Variants in NDUFAF6 observed in about 807,000 individuals in gnomAD.
The protein encoded by NDUFAF6 is NADH:ubiquinone oxidoreductase complex assembly factor 6.
Under a neutral mutation model 40.8 loss-of-function variants are expected in NDUFAF6, and 45 were observed. The ratio of observed to expected loss-of-function variants is 1.10; its 90% CI spans 0.87 to 1.42. The LOEUF (loss-of-function observed/expected upper bound fraction) is 1.42, where lower values mean the gene tolerates loss of function less well. NDUFAF6 is among the 40% of genes most tolerant of loss of function. The pLI is 0.00. For synonymous variants in NDUFAF6, 185 were observed against 155.9 expected (o/e 1.19, Z -1.39); for missense variants, 435 against 418.5 (o/e 1.04, Z -0.34).
At chr8:94,942,207 C>CT (rs921262568) in intron 1 of NDUFAF6, among the ~76,000 whole-genome samples, 18 of 148,774 alleles carry the variant, frequency 1.2e-4, no homozygotes, top group East Asian at 2.0e-4. Flanking sequence ...CGGCTAATTT[C>CT]TTTTTTTTTT....
intron 2 of NDUFAF6, among the ~76,000 whole-genome samples, chr8:95,008,610 G>A (rs1024247029): frequency 5.3e-5 from 8 of 152,220 alleles, no homozygotes; most frequent in East Asian, 1.9e-4. Flanking sequence ...GGGTTCAAAC[G>A]ATTCTTCTGA....
intron 9 of NDUFAF6, among the ~76,000 whole-genome samples, chr8:95,075,041 C>T (rs975691577): frequency 6.6e-6 from 1 of 152,158 alleles, no homozygotes; most frequent in Non-Finnish European, 1.5e-5. Context: ...AAACACATCC[C>T]TCACTGATTG....
At chr8:94,924,924 G>GTATTTTTAA (rs2131284214) in intron 1 of NDUFAF6, among the ~76,000 whole-genome samples, 1 of 152,088 alleles carries the variant, frequency 6.6e-6, no homozygotes, top group Non-Finnish European at 1.5e-5. Flanking sequence ...TGTATTTTTA[G>GTATTTTTAA]TAGAGATGGG....
At chr8:95,107,715 A>T (rs16917342), downstream of NDUFAF6, among the ~76,000 whole-genome samples, 1,410 of 152,286 alleles carry the variant, frequency 9.3e-3, 22 homozygotes, top group African/African-American at 0.032. Context: ...GTGTTTTTTT[A>T]AAATGTTAAT....
intron 8 of NDUFAF6, chr8:95,055,290 C>T (rs1831982766): frequency 6.6e-6 from 1 of 152,142 alleles, no homozygotes; most frequent in Non-Finnish European, 1.5e-5. Context: ...ACAAGGATGA[C>T]ACACAAATTC....
At chr8:95,030,236 T>C (rs920077693) in intron 1 of NDUFAF6, among the ~76,000 whole-genome samples, 1 of 151,832 alleles carries the variant, frequency 6.6e-6, no homozygotes, top group Non-Finnish European at 1.5e-5. Flanking sequence ...TTTATTTATT[T>C]ATTTATTTTA....
chr8:95,015,594 C>T (rs1586970221), intron 2 of NDUFAF6, among the ~76,000 whole-genome samples: 1 of 152,134 alleles, frequency 6.6e-6, no homozygotes, highest in Non-Finnish European at 1.5e-5. Context: ...AATGGTTCTT[C>T]CTTCTAAGAA....
intron 4 of NDUFAF6, 30 bp from the exon 5 acceptor site, chr8:95,045,515 C>G (rs775719873): frequency 1.3e-6 from 2 of 1,513,514 alleles, no homozygotes. Context: ...GACAGTTCAA[C>G]AGACTTTATT....
intron 1 of NDUFAF6, chr8:94,975,678 C>G (rs1260276148): frequency 6.6e-6 from 1 of 152,114 alleles, no homozygotes. Context: ...GTGAGGCATC[C>G]GAAGGGACTG....
rs1832447210 is a variant in NDUFAF6 at position 95,058,372 on chromosome 8, A to G, written c.*435A>G. On this transcript the variant is annotated 3_prime_UTR_variant, in exon 9 of 9. Coordinates refer to ENST00000396124, the MANE Select transcript of NDUFAF6 (RefSeq NM_152416.4). ...GGTGTTCAGAACACCTGGAAGATGC[A>G]TTTATTTAGGGGTCACAAATAGTGA... is the stretch of plus-strand genomic sequence containing the variant. 1.6e-6 allele frequency: 2 copies of G among 1,234,978 alleles called. No individual in the cohort carries two copies. Among genetic ancestry groups the G allele is most frequent in the Non-Finnish European group, 1.0e-6 (1 of 989,920 alleles). 76.5% of individuals were successfully genotyped at this position (1,234,978 alleles called of 1,614,324 possible).
upstream of NDUFAF6, among the ~76,000 whole-genome samples, chr8:95,099,879 T>C (rs538882519): frequency 6.6e-6 from 1 of 152,352 alleles, no homozygotes; most frequent in African/African-American, 2.4e-5. Flanking sequence ...CAAGTGCCTA[T>C]AAAATAATCC....
chr8:94,942,129 C>T (rs747353361), intron 1 of NDUFAF6, among the ~76,000 whole-genome samples: 28 of 151,950 alleles, frequency 1.8e-4, no homozygotes, highest in Admixed American at 4.6e-4. Flanking sequence ...CTCTGCCTCC[C>T]GGGTTCACGC....
chr8:95,043,489 TA>T (rs1830377293), intron 4 of NDUFAF6, among the ~76,000 whole-genome samples: 1 of 151,944 alleles, frequency 6.6e-6, no homozygotes, highest in African/African-American at 2.4e-5. Context: ...ATATATCTGA[TA>T]AGGGACAATT....
At chr8:94,906,670 C>A (rs147194752) in intron 1 of NDUFAF6, among the ~76,000 whole-genome samples, 1 of 152,182 alleles carries the variant, frequency 6.6e-6, no homozygotes, top group Non-Finnish European at 1.5e-5. Context: ...TGACACAGAG[C>A]AGAGGGAGTG....
At chr8:95,022,048 T>C (rs890139109), upstream of NDUFAF6, among the ~76,000 whole-genome samples, 2 of 152,184 alleles carry the variant, frequency 1.3e-5, no homozygotes, top group African/African-American at 4.8e-5. Flanking sequence ...TTTTTAGTAG[T>C]GGTTCATCTA....
At chr8:94,952,799 G>A (rs938347258) in intron 2 of NDUFAF6, among the ~76,000 whole-genome samples, 2 of 152,158 alleles carry the variant, frequency 1.3e-5, no homozygotes, top group Non-Finnish European at 2.9e-5. Context: ...TTTCCACGTG[G>A]TGATTAGAAA....
intron 2 of NDUFAF6, among the ~76,000 whole-genome samples, chr8:94,945,782 A>G (rs567162942): frequency 5.3e-5 from 8 of 152,376 alleles, no homozygotes; most frequent in Admixed American, 5.2e-4. Flanking sequence ...AAAGAGGTGA[A>G]GCAAAGAAGG....
intron 1 of NDUFAF6, among the ~76,000 whole-genome samples, chr8:94,968,809 A>G (rs74633621): frequency 0.13 from 19,931 of 152,168 alleles, 1,640 homozygotes; most frequent in Middle Eastern, 0.23. Context: ...GAGAGAGCAA[A>G]ATCATGGAGT....
At chr8:94,961,148 T>G (rs1823538739) in intron 1 of NDUFAF6, among the ~76,000 whole-genome samples, 1 of 152,174 alleles carries the variant, frequency 6.6e-6, no homozygotes, top group Non-Finnish European at 1.5e-5. Flanking sequence ...TTAGAAAATT[T>G]TTTCTCTTAT....
Sources: gnomAD v4.1 joint callset for allele counts (sites outside exome capture counted in the v4.1 genomes callset) on GRCh38, gnomAD v4.1.1 for gene constraint, MANE v1.5 for transcripts, NCBI Gene and HGNC (gene_info 2026-07-23, HGNC 2026-07-21) for gene names.